The following MEIG1 variants were observed in gnomAD, a reference collection of about 807,000 sequenced individuals.
MEIG1 encodes the protein meiosis expressed gene 1 protein homolog.
MEIG1 carries 12 observed loss-of-function variants against 11.3 expected under a neutral mutation model. That is an observed-to-expected ratio of 1.07 (90% CI 0.68 to 1.73). MEIG1 has a LOEUF of 1.73. Among genes scored for constraint, MEIG1 ranks in the 40% most tolerant of loss-of-function variants. The pLI, the probability that MEIG1 is intolerant of heterozygous loss-of-function variation, is 0.00. For synonymous variants in MEIG1, 41 were observed against 33.2 expected, an observed-to-expected ratio of 1.24 and a Z score of -0.81; for missense variants, 119 against 104.9, an observed-to-expected ratio of 1.13 and a Z score of -0.59.
intron 2 of MEIG1, among the ~76,000 whole-genome samples, chr10:14,971,233 T>TAATAATAATAAC (rs1843146291): frequency 6.7e-6 from 1 of 148,474 alleles, no homozygotes; most frequent in Non-Finnish European, 1.5e-5. Context: ...ATAATAATAA[T>TAATAATAATAAC]AATAACAACA....
At chr10:14,971,553 AT>A (rs1276399343) in intron 2 of MEIG1, among the ~76,000 whole-genome samples, 1 of 145,460 alleles carries the variant, frequency 6.9e-6, no homozygotes, top group Non-Finnish European at 1.5e-5. Flanking sequence ...AAAAAAAAAA[AT>A]GGATTTCAAG....
chr10:14,985,943 G>A (rs1462712606), intron 1 of MEIG1, among the ~76,000 whole-genome samples: 2 of 151,934 alleles, frequency 1.3e-5, no homozygotes, highest in Non-Finnish European at 2.9e-5. Context: ...TTAATATCCA[G>A]GGTAAATATT....
chr10:14,983,687 G>T (rs1191807924), intron 1 of MEIG1, among the ~76,000 whole-genome samples: 1 of 152,040 alleles, frequency 6.6e-6, no homozygotes, highest in African/African-American at 2.4e-5. Flanking sequence ...CATCGCAGGA[G>T]GTGTACACCC....
intron 1 of MEIG1, among the ~76,000 whole-genome samples, chr10:14,985,469 C>T (rs1416925662): frequency 6.6e-6 from 1 of 151,952 alleles, no homozygotes; most frequent in Admixed American, 6.6e-5. Context: ...TCATATTAGT[C>T]GTAATATCCA....
chr10:14,982,607 C>A (rs970413083), intron 1 of MEIG1, among the ~76,000 whole-genome samples: 2 of 152,070 alleles, frequency 1.3e-5, no homozygotes, highest in Admixed American at 6.6e-5. Context: ...CTCTCCACCA[C>A]GTGACCATCC....
chr10:14,965,492 A>G (rs1193943574), intron 1 of MEIG1, among the ~76,000 whole-genome samples: 1 of 152,160 alleles, frequency 6.6e-6, no homozygotes, highest in Non-Finnish European at 1.5e-5. Context: ...TGTGCATGGA[A>G]TCTGTGTTAG....
At chr10:14,973,927 G>A (rs1189100777), downstream of MEIG1, among the ~76,000 whole-genome samples, 3 of 152,144 alleles carry the variant, frequency 2.0e-5, no homozygotes, top group African/African-American at 7.2e-5. Context: ...AAGAGCCAGC[G>A]CTTTGACGGA....
At chr10:14,981,217 A>G (rs1249256745) in intron 1 of MEIG1, among the ~76,000 whole-genome samples, 1 of 148,266 alleles carries the variant, frequency 6.7e-6, no homozygotes, top group African/African-American at 2.6e-5. Flanking sequence ...CCGCTTAGCC[A>G]GAGCTGGTCT....
chr10:14,986,757 G>T lies in MEIG1; in HGVS notation n.67-39G>T, dbSNP rs186117655. The T allele has an allele frequency of 6.8e-3, 2,248 of 332,126 alleles. 11 individuals carry two copies. Among genetic ancestry groups the T allele is most frequent in the Non-Finnish European group, 9.7e-3 (1,661 of 171,258 alleles). The allele number at this position is 332,126 out of a possible 1,614,324, so 20.6% of individuals were successfully genotyped here. A position where few individuals can be genotyped will look rare whatever the true frequency, so the allele number is the denominator to read the frequency against. On this transcript the variant is annotated intron_variant and non_coding_transcript_variant, in intron 1 of 2. Coordinates refer to the MEIG1 transcript ENST00000467536. ...TGCGAATAGCTGAGACTACAGGCAG[G>T]CGTCACCAAGCCTGACTAATAGTTT... is the stretch of plus-strand genomic sequence containing the variant.
intron 1 of MEIG1, among the ~76,000 whole-genome samples, chr10:14,983,462 T>C (rs547338367): frequency 2.6e-5 from 4 of 151,836 alleles, no homozygotes; most frequent in African/African-American, 7.3e-5. Context: ...CAGCAGGAGG[T>C]GTACACCCAT....
At chr10:14,979,286 CT>C (rs1427308781) in intron 1 of MEIG1, among the ~76,000 whole-genome samples, 1 of 151,736 alleles carries the variant, frequency 6.6e-6, no homozygotes, top group African/African-American at 2.4e-5. Context: ...GGCTAACCCC[CT>C]GTGACATTAT....
chr10:14,961,646 T>C (rs375269402), intron 1 of MEIG1, among the ~76,000 whole-genome samples: 1,583 of 137,142 alleles, frequency 0.012, 45 homozygotes, highest in East Asian at 0.058. Context: ...TAATTTTTTT[T>C]TTTTTTTTTT....
downstream of MEIG1, among the ~76,000 whole-genome samples, chr10:14,977,635 T>G (rs139085167): frequency 6.6e-6 from 1 of 152,026 alleles, no homozygotes; most frequent in Non-Finnish European, 1.5e-5. Context: ...TCAAGAGATA[T>G]AACTCCTAAT....
chr10:14,958,924 A>T (rs910531857), upstream of MEIG1, among the ~76,000 whole-genome samples: 5 of 151,954 alleles, frequency 3.3e-5, no homozygotes, highest in African/African-American at 1.2e-4. Flanking sequence ...AAAACAAAAA[A>T]CCGTATATCT....
intron 1 of MEIG1, among the ~76,000 whole-genome samples, chr10:14,986,459 T>G (rs2131287251): frequency 6.6e-6 from 1 of 152,308 alleles, no homozygotes; most frequent in South Asian, 2.1e-4. Flanking sequence ...TGAAGTAAAA[T>G]TTTCATACTG....
At chr10:14,962,085 G>A (rs1306079054) in intron 1 of MEIG1, among the ~76,000 whole-genome samples, 1 of 152,146 alleles carries the variant, frequency 6.6e-6, no homozygotes, top group Non-Finnish European at 1.5e-5. Flanking sequence ...TTACAGGTGT[G>A]AGCCGCTGCA....
intron 1 of MEIG1, among the ~76,000 whole-genome samples, chr10:14,962,580 G>T (rs1211051134): frequency 6.6e-6 from 1 of 152,112 alleles, no homozygotes; most frequent in Non-Finnish European, 1.5e-5. Context: ...AGTGACAAAA[G>T]GTTACATAGA....
intron 2 of MEIG1, among the ~76,000 whole-genome samples, chr10:14,971,204 T>TATAATAATAATA (rs773804590): frequency 5.3e-5 from 3 of 57,142 alleles, no homozygotes; most frequent in African/African-American, 1.3e-4. Context: ...CTCGGCAACA[T>TATAATAATAATA]ATAATAATAA....
chr10:14,977,106 G>T (rs1843217586), downstream of MEIG1, among the ~76,000 whole-genome samples: 1 of 151,946 alleles, frequency 6.6e-6, no homozygotes, highest in African/African-American at 2.4e-5. Flanking sequence ...TATTATTCAT[G>T]ATATTGTAGA....
Sources: gnomAD v4.1 joint callset for allele counts (sites outside exome capture counted in the v4.1 genomes callset) on GRCh38, gnomAD v4.1.1 for gene constraint, MANE v1.5 for transcripts, NCBI Gene and HGNC (gene_info 2026-07-23, HGNC 2026-07-21) for gene names.